The following RBFOX3 variants were observed in gnomAD, a reference collection of about 807,000 sequenced individuals.
RBFOX3 encodes RNA binding fox-1 homolog 3.
A neutral mutation model predicts 48.7 loss-of-function variants in RBFOX3; 17 were observed. The observed-to-expected ratio is 0.35, with a 90% CI of 0.24 to 0.52. The LOEUF is 0.52. RBFOX3 is among the 20% of genes least tolerant of loss of function. The pLI is 0.94. For missense variants in RBFOX3, 382 were observed against 497.5 expected, an observed-to-expected ratio of 0.77 and a Z score of 2.21; for synonymous variants, 212 against 209.5, an observed-to-expected ratio of 1.01 and a Z score of -0.10.
intron 2 of RBFOX3, among the ~76,000 whole-genome samples, chr17:79,378,193 C>G (rs1406022901): frequency 2.0e-5 from 3 of 152,026 alleles, no homozygotes; most frequent in Admixed American, 2.0e-4. Context: ...AAGCACCGAG[C>G]CTCCCCGTAG....
rs146625049 is a variant in RBFOX3, at chr17:79,364,809, G to A, written c.-174-56985C>T. Among the ~76,000 whole-genome samples the A allele has an allele frequency of 1.2e-4, 18 of 152,302 alleles. No homozygotes were observed. The East Asian group carries it at 2.9e-3, about 25-fold the overall frequency. On this transcript the variant is annotated intron_variant, in intron 2 of 14. Transcript: ENST00000693108. The surrounding 1 kb of genome is among the most constrained non-coding windows in gnomAD (Gnocchi z 5.1). ...GCCCCAGGATGACTACCCAGCCCACGCATGTGGCCTTACCTACAGCCTGGG... is the reference window on the plus strand; with the variant it reads ...GCCCCAGGATGACTACCCAGCCCACACATGTGGCCTTACCTACAGCCTGGG...
chr17:79,609,524 G>A (rs1325800787), intron 1 of RBFOX3, among the ~76,000 whole-genome samples: 2 of 152,192 alleles, frequency 1.3e-5, no homozygotes, highest in African/African-American at 4.8e-5. Context: ...CTTTTTAAAA[G>A]TGATCATTAA....
chr17:79,359,487 G>T (rs1262847766), intron 2 of RBFOX3, among the ~76,000 whole-genome samples: 1 of 152,170 alleles, frequency 6.6e-6, no homozygotes, highest in African/African-American at 2.4e-5. Context: ...TGAAGGTGAG[G>T]CATAGCCTTC....
intron 1 of RBFOX3, among the ~76,000 whole-genome samples, chr17:79,514,965 T>A (rs2085034221): frequency 6.6e-6 from 1 of 152,070 alleles, no homozygotes; most frequent in South Asian, 2.1e-4. Context: ...CCATTCCTAA[T>A]CCCCACTTCC....
At chr17:79,309,769 G>A (rs1203297033) in intron 2 of RBFOX3, among the ~76,000 whole-genome samples, 1 of 152,134 alleles carries the variant, frequency 6.6e-6, no homozygotes, top group Non-Finnish European at 1.5e-5. Flanking sequence ...GTTCTCGTGA[G>A]AGCTGATGGT....
At chr17:79,352,802 C>T (rs1318139838) in intron 2 of RBFOX3, among the ~76,000 whole-genome samples, 1 of 152,374 alleles carries the variant, frequency 6.6e-6, no homozygotes, top group South Asian at 2.1e-4. Flanking sequence ...TAGGGGACCA[C>T]CTGGTGGGGC....
the RBFOX3 span, among the ~76,000 whole-genome samples, chr17:79,619,789 A>G: frequency 4.6e-5 from 7 of 152,050 alleles, no homozygotes; most frequent in East Asian, 1.2e-3. Flanking sequence ...GGGACAAGCC[A>G]TTCACCATCT....
At chr17:79,347,681 C>T (rs2083142825) in intron 2 of RBFOX3, among the ~76,000 whole-genome samples, 2 of 152,186 alleles carry the variant, frequency 1.3e-5, no homozygotes, top group Admixed American at 6.5e-5. Context: ...TATACCTTAA[C>T]ACCAACAATT....
intron 1 of RBFOX3, among the ~76,000 whole-genome samples, chr17:79,554,969 T>C (rs1047010326): frequency 2.0e-5 from 3 of 151,934 alleles, no homozygotes; most frequent in Non-Finnish European, 4.4e-5. Flanking sequence ...AAATGTACAG[T>C]CACAAAAAGC....
intron 5 of RBFOX3, among the ~76,000 whole-genome samples, chr17:79,112,833 G>A (rs145716058): frequency 6.6e-5 from 10 of 150,920 alleles, no homozygotes; most frequent in Non-Finnish European, 1.3e-4. Flanking sequence ...GCCTCTGGGT[G>A]GCATCTGGGT....
At position 79,111,229 on chromosome 17, in the gene RBFOX3, G is replaced by C. The variant is rs2031306693; in HGVS notation, c.222+4265C>G. ...CATCTATGCCTGCAGTGAAGCCAGG[G>C]GTGCAGAGCCCAGGTCCCCAGCAGG... On this transcript the variant is annotated intron_variant, in intron 5 of 14. Coordinates refer to ENST00000693108, the MANE Select transcript of RBFOX3 (RefSeq NM_001350451.2). The surrounding 1 kb of genome is among the most constrained non-coding windows in gnomAD (Gnocchi z 4.2). 6.6e-6 allele frequency among the ~76,000 whole-genome samples: 1 copy of C among 152,172 alleles called. No homozygotes were observed. The highest frequency in any genetic ancestry group is 1.5e-5 in the Non-Finnish European group (1 of 68,022).
intron 3 of RBFOX3, among the ~76,000 whole-genome samples, chr17:79,247,727 C>T (rs2148178346): frequency 6.6e-6 from 1 of 152,224 alleles, no homozygotes; most frequent in Admixed American, 6.5e-5. Flanking sequence ...TCCACTCTTC[C>T]AGCTCCAGAG....
chr17:79,534,865 G>A lies in RBFOX3; in HGVS notation c.-319-52267C>T, dbSNP rs578102916. On this transcript the variant is annotated intron_variant, in intron 1 of 14. Coordinates refer to ENST00000693108, the MANE Select transcript of RBFOX3 (RefSeq NM_001350451.2). ...TGCAAAACAAAGACAGAGGGAGATC[G>A]TCGCCCCCTCGGAAGTCGGTTTGAC... Among the ~76,000 whole-genome samples the A allele has an allele frequency of 1.1e-4, 16 of 152,300 alleles. No homozygotes were observed. The South Asian group carries it at 2.5e-3, about 24-fold the overall frequency.
intron 2 of RBFOX3, among the ~76,000 whole-genome samples, chr17:79,348,958 C>T (rs2083386868): frequency 6.6e-6 from 1 of 152,020 alleles, no homozygotes; most frequent in Admixed American, 6.6e-5. Context: ...CTTCCCTCTG[C>T]ATCCTTCATG....
intron 2 of RBFOX3, among the ~76,000 whole-genome samples, chr17:79,458,529 C>T (rs1446377415): frequency 6.6e-6 from 1 of 152,008 alleles, no homozygotes; most frequent in Non-Finnish European, 1.5e-5. Flanking sequence ...CATCGTGCGA[C>T]CATCACCGCA....
At chr17:79,429,129 A>T (rs2067955477) in intron 2 of RBFOX3, among the ~76,000 whole-genome samples, 1 of 152,224 alleles carries the variant, frequency 6.6e-6, no homozygotes, top group Admixed American at 6.5e-5. Flanking sequence ...TGCTGTGCAC[A>T]CGTGTGCAGA....
At chr17:79,266,078 C>A (rs2066652956) in intron 3 of RBFOX3, among the ~76,000 whole-genome samples, 1 of 152,272 alleles carries the variant, frequency 6.6e-6, no homozygotes. Context: ...CTGCTCCAGC[C>A]TTCCCGCCCC....
rs533918964 is a variant in RBFOX3, at chr17:79,407,790, A to G, written c.-175+74664T>C. Among the ~76,000 whole-genome samples, 5 of 152,300 alleles carry G rather than the reference A, an allele frequency of 3.3e-5. No homozygotes were observed. The South Asian group carries it at 6.2e-4, about 19-fold the overall frequency. Reference sequence around the variant, plus strand: ...GGAGTAACACCGAGGCAAGAATGCAAGGCGCCCTCTGAGAGGGCTTGTGAA... The same window carrying G: ...GGAGTAACACCGAGGCAAGAATGCAGGGCGCCCTCTGAGAGGGCTTGTGAA... On this transcript the variant is annotated intron_variant, in intron 2 of 14. Coordinates refer to ENST00000693108, the MANE Select transcript of RBFOX3 (RefSeq NM_001350451.2).
intron 4 of RBFOX3, among the ~76,000 whole-genome samples, chr17:79,155,924 G>A (rs140120959): frequency 2.0e-5 from 3 of 152,278 alleles, no homozygotes; most frequent in Non-Finnish European, 4.4e-5. Context: ...CAAAGCCTTG[G>A]TGCCAATTCA....
Sources: gnomAD v4.1 joint callset for allele counts (sites outside exome capture counted in the v4.1 genomes callset) on GRCh38, gnomAD v4.1.1 for gene constraint, Gnocchi (gnomAD v3.1) non-coding constraint, MANE v1.5 for transcripts, NCBI Gene and HGNC (gene_info 2026-07-23, HGNC 2026-07-21) for gene names.